The following PRKN variants were observed in gnomAD, a reference collection of about 807,000 sequenced individuals.
The protein encoded by PRKN is E3 ubiquitin-protein ligase parkin.
A neutral mutation model predicts 59.5 loss-of-function variants in PRKN; 56 were observed. The observed-to-expected ratio is 0.94, with a 90% CI of 0.76 to 1.18. The LOEUF is 1.18. Among genes scored for constraint, PRKN ranks in the 50% most tolerant of loss-of-function variants. The pLI, the probability that PRKN is intolerant of heterozygous loss-of-function variation, is 0.00. For missense variants in PRKN, 657 were observed against 596.4 expected (o/e 1.10, Z -1.06); for synonymous variants, 250 against 222.1 (o/e 1.13, Z -1.12).
At chr6:162,371,487 C>T (rs953285987) in intron 2 of PRKN, among the ~76,000 whole-genome samples, 1 of 152,158 alleles carries the variant, frequency 6.6e-6, no homozygotes, top group Non-Finnish European at 1.5e-5. Flanking sequence ...TCACTTTCTA[C>T]TGGGGTGACC....
At position 161,965,632 on chromosome 6, in the gene PRKN, G is replaced by C. The variant is rs145525124; in HGVS notation, c.734+7670C>G. On this transcript the variant is annotated intron_variant, in intron 6 of 11. Transcript: ENST00000366898. Reference sequence around the variant, plus strand: ...TGAGAACATACCCAAGGTGGCTGGGGCACAGCTTGGTTTTATACATGTTAA... The same window carrying C: ...TGAGAACATACCCAAGGTGGCTGGGCCACAGCTTGGTTTTATACATGTTAA... Among the ~76,000 whole-genome samples, 388 of 152,160 alleles carry C rather than the reference G, an allele frequency of 2.5e-3. 4 individuals are homozygous for C. Among genetic ancestry groups the C allele is most frequent in the Middle Eastern group, 6.8e-3 (2 of 294 alleles).
intron 2 of PRKN, among the ~76,000 whole-genome samples, chr6:162,329,446 C>G (rs1783474793): frequency 6.6e-6 from 1 of 152,110 alleles, no homozygotes; most frequent in South Asian, 2.1e-4. Flanking sequence ...TGTTTAACAA[C>G]CGTTGCAGCA....
At chr6:162,248,048 G>T (rs1462481824) in intron 3 of PRKN, among the ~76,000 whole-genome samples, 2 of 152,074 alleles carry the variant, frequency 1.3e-5, no homozygotes, top group Non-Finnish European at 2.9e-5. Context: ...TCTCCCACAG[G>T]CTCCCTGGAG....
Position 161,821,719 on chromosome 6 carries a change from C to CTTTTTTTTTTTTTTTTTTTTT in PRKN, c.735-35832_735-35812dup, listed in dbSNP as rs531807176. Among the ~76,000 whole-genome samples, 5 of 64,670 alleles carry CTTTTTTTTTTTTTTTTTTTTT rather than the reference C, an allele frequency of 7.7e-5. 1 individual carries two copies. The highest frequency in any genetic ancestry group is 5.1e-4 in the East Asian group (1 of 1,944). 42.4% of individuals were successfully genotyped at this position (64,670 alleles called of 152,430 possible). On this transcript the variant is annotated intron_variant, in intron 6 of 11. Transcript: ENST00000366898. ...TTTGGAAAATATTTCCACTGGTGTTCTTTTTTTTTTTTTTTTTTTTTTTTT... is the reference window on the plus strand; with the variant it reads ...TTTGGAAAATATTTCCACTGGTGTTCTTTTTTTTTTTTTTTTTTTTTTTTTTTTTTTTTTTTTTTTTTTTTT...
intron 4 of PRKN, among the ~76,000 whole-genome samples, chr6:162,057,403 T>C (rs1302911995): frequency 1.3e-5 from 2 of 152,144 alleles, no homozygotes; most frequent in Admixed American, 6.5e-5. Flanking sequence ...AACAGAAAAG[T>C]GCTGATGAAT....
At chr6:162,029,127 C>T (rs187926513) in intron 5 of PRKN, among the ~76,000 whole-genome samples, 198 of 152,226 alleles carry the variant, frequency 1.3e-3, no homozygotes, top group African/African-American at 4.3e-3. Context: ...ACTAGTAGCT[C>T]CCAGTTCTCC....
chr6:162,562,611 C>T (rs1380532325), intron 1 of PRKN, among the ~76,000 whole-genome samples: 1 of 152,098 alleles, frequency 6.6e-6, no homozygotes, highest in Non-Finnish European at 1.5e-5. Flanking sequence ...GGCTCCTCTG[C>T]CTTTGGAAAG....
chr6:162,556,011 T>C (rs1443494735), intron 1 of PRKN, among the ~76,000 whole-genome samples: 4 of 131,634 alleles, frequency 3.0e-5, no homozygotes, highest in East Asian at 2.4e-4. Context: ...TGAGAAAACA[T>C]TGGAGAACAT....
At chr6:162,242,275 G>T (rs970299340) in intron 3 of PRKN, among the ~76,000 whole-genome samples, 1 of 151,992 alleles carries the variant, frequency 6.6e-6, no homozygotes, top group African/African-American at 2.4e-5. Context: ...GGAGGTGCGG[G>T]TCCCTTTGTC....
Position 162,012,969 on chromosome 6 carries a change from A to G in PRKN, c.619-39552T>C, listed in dbSNP as rs537172312. On this transcript the variant is annotated intron_variant, in intron 5 of 11. Coordinates refer to ENST00000366898, the MANE Select transcript of PRKN (RefSeq NM_004562.3). ...TTCCTGATTTTTATTTTTATGTTGA[A>G]TAAGTGTTTTCTGGGGCGACAAGGC... Among the ~76,000 whole-genome samples the G allele has an allele frequency of 3.3e-5, 5 of 152,188 alleles. No individual in the cohort carries two copies. In the South Asian group the frequency reaches 6.2e-4, roughly 19 times the overall value.
At chr6:161,677,286 T>G (rs1785122438) in intron 7 of PRKN, among the ~76,000 whole-genome samples, 1 of 148,808 alleles carries the variant, frequency 6.7e-6, no homozygotes, top group Admixed American at 6.7e-5. Context: ...CTTGGAGAAG[T>G]GTTTGGTGAG....
chr6:162,033,364 C>T (rs994909079), intron 5 of PRKN, among the ~76,000 whole-genome samples: 2 of 152,138 alleles, frequency 1.3e-5, no homozygotes, highest in Non-Finnish European at 2.9e-5. Context: ...ATGTGTTAAA[C>T]CCTTAAATGT....
At chr6:162,132,975 AG>A (rs1380693495) in intron 4 of PRKN, among the ~76,000 whole-genome samples, 35 of 152,238 alleles carry the variant, frequency 2.3e-4, no homozygotes, top group Non-Finnish European at 1.5e-5. Context: ...ATTTGGCCAC[AG>A]CACCGTGGCC....
At chr6:161,782,013 A>G (rs1035316664) in intron 7 of PRKN, among the ~76,000 whole-genome samples, 2 of 152,224 alleles carry the variant, frequency 1.3e-5, no homozygotes, top group Non-Finnish European at 2.9e-5. Context: ...ATTTGGAAAC[A>G]GTAAAATAAA....
intron 3 of PRKN, among the ~76,000 whole-genome samples, chr6:162,239,367 A>G (rs1481812147): frequency 6.6e-6 from 1 of 152,038 alleles, no homozygotes; most frequent in African/African-American, 2.4e-5. Context: ...CTCTTTAACT[A>G]TTTTGTAATG....
chr6:161,855,031 C>T (rs373923291), intron 6 of PRKN, among the ~76,000 whole-genome samples: 2 of 143,988 alleles, frequency 1.4e-5, no homozygotes, highest in African/African-American at 5.2e-5. Flanking sequence ...TGCAGTGAGC[C>T]GAGATCATGC....
rs1416709630 is a variant in PRKN at position 161,350,002 on chromosome 6, G to A, written c.*97C>T. 4.8e-6 allele frequency: 4 copies of A among 834,608 alleles called. No individual in the cohort carries two copies. Among genetic ancestry groups the A allele is most frequent in the Non-Finnish European group, 8.0e-6 (4 of 499,478 alleles). The allele number at this position is 834,608 out of a possible 1,614,324, so 51.7% of individuals were successfully genotyped here. On this transcript the variant is annotated 3_prime_UTR_variant, in exon 12 of 12. Coordinates refer to ENST00000366898, the MANE Select transcript of PRKN (RefSeq NM_004562.3). ...TTGAAGAGTGTGTGTGCGCGCGCGC[G>A]CGTGTGTGTGTGTGTTTGAAAAGAG...
At position 161,530,163 on chromosome 6, in the gene PRKN, G is replaced by T. The variant is rs768174764; in HGVS notation, c.1083+18691C>A. Among the ~76,000 whole-genome samples, 4 of 152,114 alleles carry T rather than the reference G, an allele frequency of 2.6e-5. No homozygotes were observed. Among genetic ancestry groups the T allele is most frequent in the Non-Finnish European group, 4.4e-5 (3 of 68,028 alleles). ...ACACTTCTCAAACTCTCCCTCACAGGTGTTCCTGGACAGCACAGGAAAGAG... is the reference window on the plus strand; with the variant it reads ...ACACTTCTCAAACTCTCCCTCACAGTTGTTCCTGGACAGCACAGGAAAGAG... On this transcript the variant is annotated intron_variant, in intron 9 of 11. Transcript: ENST00000366898. This position sits in a 1 kb window ranked among gnomAD's most constrained non-coding sequence, Gnocchi z 5.0.
At position 161,377,706 on chromosome 6, in the gene PRKN, C is replaced by T. The variant is rs1356393127; in HGVS notation, c.1167+9088G>A. 2.0e-5 allele frequency among the ~76,000 whole-genome samples: 3 copies of T among 152,098 alleles called. No homozygotes were observed. Among genetic ancestry groups the T allele is most frequent in the East Asian group, 1.9e-4 (1 of 5,158 alleles). On this transcript the variant is annotated intron_variant, in intron 10 of 11. Coordinates refer to ENST00000366898, the MANE Select transcript of PRKN (RefSeq NM_004562.3). The surrounding 1 kb of genome is among the most constrained non-coding windows in gnomAD (Gnocchi z 4.2). ...TGATTGGGTCATAAGTCAGAGCCCTCGGGAATGGGATTAGTGCCCTTATAA... is the reference window on the plus strand; with the variant it reads ...TGATTGGGTCATAAGTCAGAGCCCTTGGGAATGGGATTAGTGCCCTTATAA...
Sources: allele counts gnomAD v4.1 joint callset (sites outside exome capture counted in the v4.1 genomes callset), GRCh38; gene constraint gnomAD v4.1.1; non-coding constraint Gnocchi (gnomAD v3.1); transcripts MANE v1.5; gene names NCBI Gene and HGNC (gene_info 2026-07-23, HGNC 2026-07-21).